CDH13: variants seen among roughly 807,000 people sequenced by gnomAD.
CDH13 encodes the protein cadherin-13.
A neutral mutation model predicts 63.8 loss-of-function variants in CDH13; 24 were observed. The observed-to-expected ratio is 0.38, with a 90% CI of 0.27 to 0.53. The LOEUF (loss-of-function observed/expected upper bound fraction) is 0.53. CDH13 is among the 20% of genes least tolerant of loss of function. The pLI, the probability that CDH13 is intolerant of heterozygous loss-of-function variation, is 0.85. For missense variants in CDH13, 1,049 were observed against 903.1 expected (o/e 1.16, Z -2.07); for synonymous variants, 503 against 355.3 (o/e 1.42, Z -4.67).
At chr16:82,993,638 C>G (rs908088820) in intron 2 of CDH13, among the ~76,000 whole-genome samples, 1 of 152,088 alleles carries the variant, frequency 6.6e-6, no homozygotes, top group African/African-American at 2.4e-5. Context: ...TTATATCAGA[C>G]TGTGTCTGCT....
intron 2 of CDH13, among the ~76,000 whole-genome samples, chr16:82,996,922 T>C (rs1456949286): frequency 3.3e-5 from 5 of 151,694 alleles, no homozygotes; most frequent in African/African-American, 1.2e-4. Context: ...TTGATTATTA[T>C]GGTAATGATA....
rs1031480767 is a variant in CDH13 at position 82,760,990 on chromosome 16, AACTCT to A, written c.46-97371_46-97367del. Among the ~76,000 whole-genome samples the A allele has an allele frequency of 7.3e-5, 10 of 136,726 alleles. No homozygotes were observed. The Admixed American group carries it at 7.6e-4, about 10-fold the overall frequency. 89.7% of individuals were successfully genotyped at this position (136,726 alleles called of 152,430 possible). Reference sequence around the variant, plus strand: ...ATATCTCCCACCAGCCTCCACCTCCAACTCTGGGGTTCACATTTCTTTCTTTCTTT... The same window carrying A: ...ATATCTCCCACCAGCCTCCACCTCCAGGGGTTCACATTTCTTTCTTTCTTT... On this transcript the variant is annotated intron_variant, in intron 1 of 13. Coordinates refer to ENST00000567109, the MANE Select transcript of CDH13 (RefSeq NM_001257.5).
At chr16:83,034,581 A>G (rs72794197) in intron 3 of CDH13, among the ~76,000 whole-genome samples, 19,593 of 152,226 alleles carry the variant, frequency 0.13, 1,423 homozygotes, top group African/African-American at 0.2. Context: ...AGCAAAAACA[A>G]TGTTCCATAG....
At chr16:82,905,831 G>A (rs1217366094) in intron 2 of CDH13, among the ~76,000 whole-genome samples, 2 of 152,050 alleles carry the variant, frequency 1.3e-5, no homozygotes, top group East Asian at 1.9e-4. Context: ...CGATTAGGAC[G>A]AGCCACATTT....
chr16:83,495,157 A>T (rs538908125), intron 7 of CDH13, among the ~76,000 whole-genome samples: 8 of 152,318 alleles, frequency 5.3e-5, no homozygotes, highest in Admixed American at 2.0e-4. Context: ...AGCCCTCAGG[A>T]GACCCTGAGA....
intron 9 of CDH13, 53 bp downstream of exon 9, chr16:83,671,025 A>G (rs1914455175): frequency 7.0e-7 from 1 of 1,430,646 alleles, no homozygotes; most frequent in African/African-American, 1.4e-5. Context: ...GGAGGGCCCC[A>G]TGAGGCAGCT....
chr16:82,976,010 G>T (rs570803686), intron 2 of CDH13, among the ~76,000 whole-genome samples: 1 of 152,306 alleles, frequency 6.6e-6, no homozygotes, highest in East Asian at 1.9e-4. Flanking sequence ...AAAACAGCAC[G>T]GTAAGGATTC....
At chr16:83,552,062 A>C (rs994051958) in intron 7 of CDH13, among the ~76,000 whole-genome samples, 6 of 152,230 alleles carry the variant, frequency 3.9e-5, no homozygotes, top group African/African-American at 1.2e-4. Context: ...CCAGGGGAAT[A>C]CTAAGAAAAT....
intron 3 of CDH13, among the ~76,000 whole-genome samples, chr16:83,102,086 C>G (rs929957493): frequency 1.3e-5 from 2 of 152,100 alleles, no homozygotes; most frequent in Admixed American, 1.3e-4. Flanking sequence ...TTTGAAGATG[C>G]TACGCTCCTG....
intron 4 of CDH13, among the ~76,000 whole-genome samples, chr16:83,181,626 T>A (rs1017532803): frequency 5.3e-5 from 8 of 152,132 alleles, no homozygotes; most frequent in African/African-American, 1.9e-4. Flanking sequence ...AAGGTTGAGT[T>A]GAGCCGCATG....
intron 1 of CDH13, among the ~76,000 whole-genome samples, chr16:82,706,015 C>G (rs764529204): frequency 2.6e-5 from 4 of 152,040 alleles, no homozygotes; most frequent in Non-Finnish European, 5.9e-5. Flanking sequence ...GTCCTCTCTC[C>G]CACCCTGTTT....
chr16:82,981,586 G>C (rs1013347926), intron 2 of CDH13, among the ~76,000 whole-genome samples: 2 of 152,074 alleles, frequency 1.3e-5, no homozygotes, highest in East Asian at 1.9e-4. Flanking sequence ...CCAGCATTTG[G>C]TTCTTTCTTC....
chr16:83,403,984 A>G (rs1298262882), intron 6 of CDH13, among the ~76,000 whole-genome samples: 1 of 152,208 alleles, frequency 6.6e-6, no homozygotes, highest in African/African-American at 2.4e-5. Context: ...TGAATTTAGG[A>G]GAAGTAAGAT....
chr16:83,511,680 A>T (rs1454999710), intron 7 of CDH13, among the ~76,000 whole-genome samples: 6 of 152,342 alleles, frequency 3.9e-5, no homozygotes, highest in Non-Finnish European at 1.5e-5. Context: ...TTAATGTAAG[A>T]TAGTAAGAAG....
intron 4 of CDH13, among the ~76,000 whole-genome samples, chr16:83,148,437 A>C (rs2036842612): frequency 6.6e-6 from 1 of 152,202 alleles, no homozygotes; most frequent in African/African-American, 2.4e-5. Flanking sequence ...AAGTGGATAA[A>C]ATAATGTCTG....
chr16:82,832,081 T>C (rs1231414169), intron 1 of CDH13, among the ~76,000 whole-genome samples: 1 of 152,210 alleles, frequency 6.6e-6, no homozygotes, highest in Non-Finnish European at 1.5e-5. Context: ...ACCCTTATCT[T>C]ATAATTACCT....
chr16:82,632,487 G>A (rs1387991242), intron 1 of CDH13, among the ~76,000 whole-genome samples: 1 of 152,128 alleles, frequency 6.6e-6, no homozygotes, highest in Non-Finnish European at 1.5e-5. Context: ...TGCTTCAGGT[G>A]TAAGAGTCAT....
At chr16:83,737,574 C>T (rs1421393301) in intron 10 of CDH13, among the ~76,000 whole-genome samples, 1 of 152,070 alleles carries the variant, frequency 6.6e-6, no homozygotes, top group Non-Finnish European at 1.5e-5. Context: ...TTATTCCCCA[C>T]TAAGGAAAGC....
Position 83,100,644 on chromosome 16 carries a change from C to T in CDH13, c.367-24741C>T, listed in dbSNP as rs192106936. Among the ~76,000 whole-genome samples, 130 of 152,320 alleles carry T rather than the reference C, an allele frequency of 8.5e-4. 1 individual carries two copies. The highest frequency in any genetic ancestry group is 2.8e-3 in the African/African-American group (115 of 41,572). ...TCTACCTCTTTTCAGTTCTTCTCAA[C>T]TTCATAACCTATTCTTGCTGTATCT... On this transcript the variant is annotated intron_variant, in intron 3 of 13. Transcript: ENST00000567109.
Sources: gnomAD v4.1 joint callset for allele counts (sites outside exome capture counted in the v4.1 genomes callset) on GRCh38, gnomAD v4.1.1 for gene constraint, MANE v1.5 for transcripts, NCBI Gene and HGNC (gene_info 2026-07-23, HGNC 2026-07-21) for gene names.